HS3ST3B1: variants seen among roughly 807,000 people sequenced by gnomAD.
HS3ST3B1 encodes the protein heparan sulfate-glucosamine 3-sulfotransferase 3B1.
In HS3ST3B1, 13 loss-of-function variants were observed where a neutral mutation model predicts 21.3. The ratio of observed to expected loss-of-function variants is 0.61; its 90% CI spans 0.40 to 0.97. HS3ST3B1 has a LOEUF of 0.97. HS3ST3B1 is among the 50% of genes least tolerant of loss of function. The probability of loss-of-function intolerance (pLI) is 0.00; values close to 1 mark genes in which losing one functional copy is unlikely to be tolerated. For synonymous variants in HS3ST3B1, 234 were observed against 254.8 expected (o/e 0.92, Z 0.78); for missense variants, 459 against 554.8 (o/e 0.83, Z 1.73).
At chr17:14,312,635 T>C (rs1952458825) in intron 1 of HS3ST3B1, among the ~76,000 whole-genome samples, 1 of 149,126 alleles carries the variant, frequency 6.7e-6, no homozygotes, top group South Asian at 2.1e-4. Context: ...TGCCCCAACA[T>C]CTGTGCATTT....
intron 1 of HS3ST3B1, among the ~76,000 whole-genome samples, chr17:14,314,465 A>T (rs748479014): frequency 3.3e-5 from 5 of 152,140 alleles, no homozygotes; most frequent in Non-Finnish European, 5.9e-5. Context: ...TACCGTCCCC[A>T]TCCCGAGGAC....
At chr17:14,339,605 G>C (rs1368181231) in intron 1 of HS3ST3B1, among the ~76,000 whole-genome samples, 1 of 152,176 alleles carries the variant, frequency 6.6e-6, no homozygotes, top group South Asian at 2.1e-4. Flanking sequence ...GTCTTCATTT[G>C]AATTGGAGAT....
At chr17:14,305,933 A>C (rs1208279313) in intron 1 of HS3ST3B1, among the ~76,000 whole-genome samples, 1 of 152,196 alleles carries the variant, frequency 6.6e-6, no homozygotes, top group Non-Finnish European at 1.5e-5. Context: ...AATTTGCCCA[A>C]GATCTCACAG....
intron 1 of HS3ST3B1, among the ~76,000 whole-genome samples, chr17:14,317,237 A>G (rs1909529073): frequency 6.6e-6 from 1 of 152,264 alleles, no homozygotes; most frequent in African/African-American, 2.4e-5. Context: ...TCAGGCAATA[A>G]CAAGGACAGC....
Position 14,345,471 on chromosome 17 carries a change from G to T in HS3ST3B1, c.998G>T (p.Gly333Val). The change falls in exon 2 of 2, where the codon GGC becomes GTC. Residue 333 changes from glycine to valine, a missense_variant. Gly to Val is a moderately radical substitution (Grantham distance 109). Coordinates refer to ENST00000360954, the MANE Select transcript of HS3ST3B1 (RefSeq NM_006041.3). ...CACTTCTACTTCAACAAGACCAAGG[G>T]CTTCCCCTGCCTGAAGAAGGCGGAG... ...DKHFYFNKTK[G>V]FPCLKKAEGS... The T allele has an allele frequency of 3.3e-6, 5 of 1,515,544 alleles. No homozygotes were observed. The highest frequency in any genetic ancestry group is 4.6e-6 in the Non-Finnish European group (5 of 1,097,630). 93.9% of individuals were successfully genotyped at this position (1,515,544 alleles called of 1,614,324 possible).
At chr17:14,302,701 C>A (rs531222343) in intron 1 of HS3ST3B1, among the ~76,000 whole-genome samples, 2 of 152,086 alleles carry the variant, frequency 1.3e-5, no homozygotes, top group Admixed American at 1.3e-4. Flanking sequence ...GCCTGGCGGG[C>A]GGGCGGCGCG....
chr17:14,314,060 A>G (rs1339357113), intron 1 of HS3ST3B1, among the ~76,000 whole-genome samples: 1 of 151,110 alleles, frequency 6.6e-6, no homozygotes, highest in East Asian at 2.0e-4. Context: ...GCTCACCGCA[A>G]CCTCCGCCTC....
chr17:14,310,440 C>T (rs1236610294), intron 1 of HS3ST3B1, among the ~76,000 whole-genome samples: 1 of 152,198 alleles, frequency 6.6e-6, no homozygotes, highest in East Asian at 1.9e-4. Context: ...CTCCGTGGTG[C>T]CAACAACTCT....
intron 1 of HS3ST3B1, among the ~76,000 whole-genome samples, chr17:14,320,264 C>T (rs577712220): frequency 3.9e-5 from 6 of 152,136 alleles, no homozygotes; most frequent in African/African-American, 9.6e-5. Context: ...TCTATCTAGG[C>T]GGGATGGGGC....
At chr17:14,342,988 A>C (rs1459403281) in intron 1 of HS3ST3B1, among the ~76,000 whole-genome samples, 1 of 152,244 alleles carries the variant, frequency 6.6e-6, no homozygotes, top group East Asian at 1.9e-4. Flanking sequence ...TCACGCCTGT[A>C]ATCCCAGCAC....
intron 1 of HS3ST3B1, among the ~76,000 whole-genome samples, chr17:14,311,887 T>C (rs1457409303): frequency 1.3e-5 from 2 of 152,296 alleles, no homozygotes; most frequent in South Asian, 2.1e-4. Flanking sequence ...AGGAGATCTG[T>C]AGGCAATTTA....
chr17:14,302,849 A>G (rs1908988360), intron 1 of HS3ST3B1, among the ~76,000 whole-genome samples: 1 of 152,222 alleles, frequency 6.6e-6, no homozygotes, highest in Non-Finnish European at 1.5e-5. Context: ...GTGCTGGGAT[A>G]GGGAAAGCAA....
chr17:14,322,009 G>A (rs1322852733), intron 1 of HS3ST3B1, among the ~76,000 whole-genome samples: 1 of 149,302 alleles, frequency 6.7e-6, no homozygotes, highest in Non-Finnish European at 1.5e-5. Context: ...TATATATAAA[G>A]TGCTGTTTAT....
intron 1 of HS3ST3B1, among the ~76,000 whole-genome samples, chr17:14,341,782 G>A (rs1393824467): frequency 6.6e-6 from 1 of 152,170 alleles, no homozygotes; most frequent in Non-Finnish European, 1.5e-5. Context: ...GAATATTAAT[G>A]TCTTGTAAAC....
At chr17:14,302,173 G>T in intron 1 of HS3ST3B1, 101 bp downstream of exon 1, 1 of 1,373,318 alleles carries the variant, frequency 7.3e-7, no homozygotes, top group South Asian at 1.4e-5. Flanking sequence ...TACAGCTTCG[G>T]ACCACCCGGG....
At chr17:14,334,398 G>C (rs1175396897) in intron 1 of HS3ST3B1, among the ~76,000 whole-genome samples, 1 of 152,046 alleles carries the variant, frequency 6.6e-6, no homozygotes, top group Non-Finnish European at 1.5e-5. Context: ...CTGTAGTGCA[G>C]TGAATGTTCA....
chr17:14,336,163 C>T (rs1169111151), intron 1 of HS3ST3B1, among the ~76,000 whole-genome samples: 1 of 152,196 alleles, frequency 6.6e-6, no homozygotes, highest in Non-Finnish European at 1.5e-5. Flanking sequence ...TCAATGTGGG[C>T]TGCAGCTTGC....
At chr17:14,312,456 A>T (rs1218023312) in intron 1 of HS3ST3B1, among the ~76,000 whole-genome samples, 3 of 152,094 alleles carry the variant, frequency 2.0e-5, no homozygotes, top group Non-Finnish European at 4.4e-5. Flanking sequence ...ACTTAAAAGC[A>T]TTTCCAAGAT....
chr17:14,322,372 T>C (rs1206648327), intron 1 of HS3ST3B1, among the ~76,000 whole-genome samples: 3 of 152,148 alleles, frequency 2.0e-5, no homozygotes, highest in Non-Finnish European at 2.9e-5. Context: ...TGTTATTACA[T>C]TGAGCCAGTG....
Sources: allele counts gnomAD v4.1 joint callset (sites outside exome capture counted in the v4.1 genomes callset), GRCh38; gene constraint gnomAD v4.1.1; transcripts MANE v1.5; gene names NCBI Gene and HGNC (gene_info 2026-07-23, HGNC 2026-07-21).